The following CLTA variants were observed in gnomAD, a reference collection of about 807,000 sequenced individuals.
CLTA encodes the protein clathrin, light polypeptide (Lca).
In CLTA, 9 loss-of-function variants were observed where a neutral mutation model predicts 26.9. The ratio of observed to expected loss-of-function variants is 0.33; its 90% CI spans 0.20 to 0.58. CLTA has a LOEUF of 0.58. Ranked by LOEUF, CLTA falls within the 20% of genes least tolerant of loss-of-function variation. The pLI, the probability that CLTA is intolerant of heterozygous loss-of-function variation, is 0.85. For synonymous variants in CLTA, 120 were observed against 115.5 expected (o/e 1.04, Z -0.25); for missense variants, 278 against 294.2 (o/e 0.94, Z 0.40).
In CLTA at chr9:36,204,329, C is replaced by G. The variant is rs1041939971; in HGVS notation, c.485+150C>G. On this transcript the variant is annotated intron_variant, in intron 4 of 4. Transcript: ENST00000345519. ...AGTGCTTGAAACAGGTTGCAAGTCT[C>G]TCGGGTCTTGTGAGCATAATTCACC... is the stretch of plus-strand genomic sequence containing the variant. 7 of 819,208 alleles carry G rather than the reference C, an allele frequency of 8.5e-6. No individual in the cohort carries two copies. In the African/African-American group the frequency reaches 1.0e-4, roughly 12 times the overall value. The allele number at this position is 819,208 out of a possible 1,614,324, so 50.7% of individuals were successfully genotyped here. A position where few individuals can be genotyped will look rare whatever the true frequency, so the allele number is the denominator to read the frequency against.
chr9:36,191,073 C>T lies in CLTA; in HGVS notation c.17C>T (p.Pro6Leu). The T allele has an allele frequency of 2.5e-6, 4 of 1,574,334 alleles. No homozygotes were observed. Among genetic ancestry groups the T allele is most frequent in the East Asian group, 2.3e-5 (1 of 42,804 alleles). The change falls in exon 1 of 5, where the codon CCG (proline) becomes CTG (leucine). Residue 6 changes from proline (P) to leucine (L), a missense_variant. Transcript: ENST00000345519. MAELD[P>L]FGAPAGAPGG... ...TTGCCCGCCATGGCTGAGCTGGATC[C>T]GTTCGGCGCCCCTGCCGGCGCCCCT... is the stretch of plus-strand genomic sequence containing the variant.
At chr9:36,210,631 C>G in intron 4 of CLTA, 1 of 1,614,214 alleles carries the variant, frequency 6.2e-7, no homozygotes, top group Non-Finnish European at 8.5e-7. Flanking sequence ...TAAGCACAAA[C>G]ATAAACCATC....
chr9:36,197,997 C>CTTTTTTT (rs11308341), intron 2 of CLTA, among the ~76,000 whole-genome samples: 5 of 104,246 alleles, frequency 4.8e-5, no homozygotes, highest in African/African-American at 7.2e-5. Flanking sequence ...TTATTTGAGT[C>CTTTTTTT]TTTTTTTTTT....
At chr9:36,193,101 G>A (rs186293216) in intron 1 of CLTA, among the ~76,000 whole-genome samples, 1 of 152,164 alleles carries the variant, frequency 6.6e-6, no homozygotes, top group Non-Finnish European at 1.5e-5. Context: ...TTGGATGCTC[G>A]GTCCTTTGTG....
chr9:36,193,828 G>A (rs1014823050), intron 1 of CLTA, among the ~76,000 whole-genome samples: 18 of 152,316 alleles, frequency 1.2e-4, no homozygotes, highest in East Asian at 3.9e-4. Context: ...GAAAAGAGAC[G>A]TAGGTTTAGA....
chr9:36,196,391 G>T (rs1827046700), intron 1 of CLTA, among the ~76,000 whole-genome samples: 1 of 147,568 alleles, frequency 6.8e-6, no homozygotes, highest in Non-Finnish European at 1.5e-5. Context: ...CCGTCACCCA[G>T]GCTGGAGTGC....
At chr9:36,200,047 A>G (rs1167826668) in intron 3 of CLTA, among the ~76,000 whole-genome samples, 12 of 152,214 alleles carry the variant, frequency 7.9e-5, no homozygotes, top group Admixed American at 7.9e-4. Flanking sequence ...CTAGCCACAC[A>G]GCCTGGCCTT....
At chr9:36,196,790 T>C (rs533344618) in intron 1 of CLTA, among the ~76,000 whole-genome samples, 72 of 152,320 alleles carry the variant, frequency 4.7e-4, no homozygotes, top group African/African-American at 1.7e-3. Context: ...AGGTGGCACA[T>C]GCCTTAAAGT....
In CLTA at chr9:36,191,013, G is replaced by T. The variant is rs2132838762; in HGVS notation, c.-44G>T. ...GGGCGTGGTGTCGGTGGGTCGGTTG[G>T]TTTTTGTCTCACCGTTGGTGTCCGT... On this transcript the variant is annotated 5_prime_UTR_variant, in exon 1 of 5. Coordinates refer to ENST00000345519, the MANE Select transcript of CLTA (RefSeq NM_001833.4). 6.7e-7 allele frequency: 1 copy of T among 1,484,080 alleles called. No homozygotes were observed. Among genetic ancestry groups the T allele is most frequent in the South Asian group, 1.4e-5 (1 of 73,728 alleles). 91.9% of individuals were successfully genotyped at this position (1,484,080 alleles called of 1,614,324 possible).
At chr9:36,194,829 G>A (rs1026348872) in intron 1 of CLTA, among the ~76,000 whole-genome samples, 4 of 152,226 alleles carry the variant, frequency 2.6e-5, no homozygotes, top group African/African-American at 9.6e-5. Context: ...AGCAACAGAC[G>A]ATCCCTTGGC....
chr9:36,209,974 C>G (rs991560704), intron 4 of CLTA, among the ~76,000 whole-genome samples: 5 of 152,220 alleles, frequency 3.3e-5, no homozygotes, highest in African/African-American at 4.8e-5. Flanking sequence ...AGGGAAGCCC[C>G]CAGCTTTGAG....
rs1803194 is a variant in CLTA, at chr9:36,211,885, T to C, written c.*111T>C. 5.5e-6 allele frequency: 5 copies of C among 903,076 alleles called. No individual in the cohort carries two copies. The highest frequency in any genetic ancestry group is 8.5e-6 in the Non-Finnish European group (5 of 587,742). The allele number at this position is 903,076 out of a possible 1,614,324, so 55.9% of individuals were successfully genotyped here. A position where few individuals can be genotyped will look rare whatever the true frequency, so the allele number is the denominator to read the frequency against. ...AGTTCTTTTGGACCAAACCTTTTTG[T>C]CTTTAGAGTTGTTCATTGTTTGTGA... On this transcript the variant is annotated 3_prime_UTR_variant, in exon 5 of 5. Coordinates refer to ENST00000345519, the MANE Select transcript of CLTA (RefSeq NM_001833.4).
intron 4 of CLTA, among the ~76,000 whole-genome samples, chr9:36,205,990 G>A (rs2132932665): frequency 6.6e-6 from 1 of 152,190 alleles, no homozygotes; most frequent in African/African-American, 2.4e-5. Context: ...TCGATCTCCT[G>A]ACCTCGTGAT....
chr9:36,192,434 G>T (rs1486760599), intron 1 of CLTA, among the ~76,000 whole-genome samples: 2 of 152,204 alleles, frequency 1.3e-5, no homozygotes, highest in Non-Finnish European at 2.9e-5. Context: ...CTGCTAGTTT[G>T]CAGCCTCTTG....
rs201873493 is a variant in CLTA, at chr9:36,211,648, A to G, written c.531A>G (p.Pro177=). The G allele has an allele frequency of 4.3e-6, 7 of 1,614,058 alleles. No homozygotes were observed. The highest frequency in any genetic ancestry group is 5.9e-6 in the Non-Finnish European group (7 of 1,179,918). Residue 177 remains proline, a synonymous_variant, in exon 5 of 5, where the codon CCA becomes CCG. Transcript: ENST00000345519. The part of the protein sequence containing the change: ...AFVNDIDESS[P]GTEWERVARL... ...TAAATGACATTGACGAGTCGTCCCC[A>G]GGCACTGAGTGGGAACGGGTGGCCC...
chr9:36,196,472 G>C (rs1001386622), intron 1 of CLTA, among the ~76,000 whole-genome samples: 1 of 151,228 alleles, frequency 6.6e-6, no homozygotes, highest in African/African-American at 2.4e-5. Flanking sequence ...TCAGCCTCCT[G>C]AGTAGCTGGG....
chr9:36,193,809 A>G (rs1342536692), intron 1 of CLTA, among the ~76,000 whole-genome samples: 1 of 152,204 alleles, frequency 6.6e-6, no homozygotes, highest in Non-Finnish European at 1.5e-5. Context: ...TTGGTTGTTA[A>G]GAGATCCAGA....
Position 36,190,991 on chromosome 9 carries a change from CGT to C in CLTA, c.-64_-63del. 6.8e-7 allele frequency: 1 copy of C among 1,465,936 alleles called. No homozygotes were observed. The highest frequency in any genetic ancestry group is 8.9e-7 in the Non-Finnish European group (1 of 1,119,052). The allele number at this position is 1,465,936 out of a possible 1,614,324, so 90.8% of individuals were successfully genotyped here. A position where few individuals can be genotyped will look rare whatever the true frequency, so the allele number is the denominator to read the frequency against. ...CGGCACCACAGCGGTGGCTGCCGGG[CGT>C]GGTGTCGGTGGGTCGGTTGGTTTTT... is the stretch of plus-strand genomic sequence containing the variant. On this transcript the variant is annotated 5_prime_UTR_variant, in exon 1 of 5. Transcript: ENST00000345519.
At chr9:36,202,278 T>C (rs994916111) in intron 3 of CLTA, among the ~76,000 whole-genome samples, 1 of 152,252 alleles carries the variant, frequency 6.6e-6, no homozygotes, top group South Asian at 2.1e-4. Context: ...TTAGGCTTTT[T>C]CTTATAGTTA....
Sources: gnomAD v4.1 joint callset for allele counts (sites outside exome capture counted in the v4.1 genomes callset) on GRCh38, gnomAD v4.1.1 for gene constraint, MANE v1.5 for transcripts, NCBI Gene and HGNC (gene_info 2026-07-23, HGNC 2026-07-21) for gene names.